Variants in SLC17A1 observed in about 807,000 individuals in gnomAD.
The protein encoded by SLC17A1 is solute carrier family 17 member 1, also known as sodium-dependent phosphate transport protein 1.
A neutral mutation model predicts 53.5 loss-of-function variants in SLC17A1; 51 were observed. The observed-to-expected ratio is 0.95, with a 90% confidence interval of 0.76 to 1.20. SLC17A1 has a LOEUF of 1.20. Among genes scored for constraint, SLC17A1 ranks in the 50% most tolerant of loss-of-function variants. SLC17A1 has a pLI of 0.00. For synonymous variants in SLC17A1, 179 were observed against 198.8 expected (o/e 0.90, Z 0.84); for missense variants, 538 against 568.2 (o/e 0.95, Z 0.54).
At chr6:25,818,748 A>G (rs550231607) in intron 6 of SLC17A1, among the ~76,000 whole-genome samples, 23 of 152,332 alleles carry the variant, frequency 1.5e-4, no homozygotes, top group South Asian at 4.1e-4. Flanking sequence ...TTAAGTATAA[A>G]AAGTAACATA....
chr6:25,778,980 G>A, downstream of SLC17A1: 4 of 1,581,814 alleles, frequency 2.5e-6, no homozygotes, highest in South Asian at 3.6e-5. Flanking sequence ...GGAGGACACA[G>A]AGCCAAAGCC....
At chr6:25,760,220 T>C in the SLC17A1 span, among the ~76,000 whole-genome samples, 3 of 152,240 alleles carry the variant, frequency 2.0e-5, no homozygotes, top group East Asian at 1.9e-4. Flanking sequence ...CCCATGTTTG[T>C]TCTTAATCTA....
chr6:25,783,383 A>G (rs1181490398), intron 12 of SLC17A1, among the ~76,000 whole-genome samples, 165 bp from the exon 13 acceptor site: 1 of 152,098 alleles, frequency 6.6e-6, no homozygotes, highest in Non-Finnish European at 1.5e-5. Context: ...GATCCTAAAC[A>G]TTTTTTTACA....
At chr6:25,808,875 A>G (rs1014995221) in intron 10 of SLC17A1, among the ~76,000 whole-genome samples, 8 of 152,096 alleles carry the variant, frequency 5.3e-5, no homozygotes, top group Non-Finnish European at 7.4e-5. Context: ...TAGAACTACC[A>G]TTAGATCCTG....
the SLC17A1 span, chr6:25,769,268 T>G: frequency 7.6e-7 from 1 of 1,307,982 alleles, no homozygotes; most frequent in Non-Finnish European, 1.1e-6. Flanking sequence ...GTGAGATTCA[T>G]TTAACCACTA....
chr6:25,777,184 G>T, the SLC17A1 span: 1 of 506,336 alleles, frequency 2.0e-6, no homozygotes, highest in Non-Finnish European at 3.4e-6. Flanking sequence ...CAGTGGCCAT[G>T]CTCAGAGTCA....
intron 8 of SLC17A1, among the ~76,000 whole-genome samples, chr6:25,812,186 A>G (rs1289052033): frequency 2.6e-5 from 4 of 152,214 alleles, no homozygotes; most frequent in Non-Finnish European, 4.4e-5. Context: ...AAATTGAGTC[A>G]GAGAGAGTTT....
chr6:25,761,237 C>T, the SLC17A1 span, among the ~76,000 whole-genome samples: 15 of 152,182 alleles, frequency 9.9e-5, no homozygotes, highest in Admixed American at 9.8e-4. Flanking sequence ...AGAGGGTTGT[C>T]ACTGTTATTG....
chr6:25,811,534 G>A lies in SLC17A1; in HGVS notation c.1042C>T (p.Pro348Ser). The change falls in exon 10 of 13, where the codon CCT becomes TCT. Residue 348 changes from proline to serine, a missense_variant. Transcript: ENST00000244527. ...KLFTAAGFLL[P>S]AIFGVCLPYL... ...GGCAGGCAGACACCAAAGATTGCAG[G>A]AAGGAGAAATCCTGGGGAGTGATTC... 1 of 1,613,912 alleles carries A rather than the reference G, an allele frequency of 6.2e-7. No homozygotes were observed. The highest frequency in any genetic ancestry group is 8.5e-7 in the Non-Finnish European group (1 of 1,179,882).
the SLC17A1 span, among the ~76,000 whole-genome samples, chr6:25,744,956 T>C: frequency 3.3e-5 from 5 of 152,166 alleles, no homozygotes; most frequent in African/African-American, 4.8e-5. Flanking sequence ...GCTCATGCCA[T>C]TGACATCTGA....
chr6:25,820,438 G>T (rs1173137953), intron 3 of SLC17A1, among the ~76,000 whole-genome samples: 1 of 152,150 alleles, frequency 6.6e-6, no homozygotes, highest in East Asian at 1.9e-4. Flanking sequence ...TTCTCAGACT[G>T]AACTGTGAAA....
At chr6:25,830,639 A>T in intron 1 of SLC17A1, 32 bp from the exon 2 acceptor site, 2 of 1,507,356 alleles carry the variant, frequency 1.3e-6, no homozygotes, top group Non-Finnish European at 1.8e-6. Flanking sequence ...ATGTCAGCAT[A>T]ATGTAGAGAG....
At chr6:25,747,096 T>C in the SLC17A1 span, among the ~76,000 whole-genome samples, 1 of 152,176 alleles carries the variant, frequency 6.6e-6, no homozygotes, top group African/African-American at 2.4e-5. Flanking sequence ...TCATGATGTT[T>C]AAGGCTGCAG....
the SLC17A1 span, among the ~76,000 whole-genome samples, chr6:25,747,105 A>G: frequency 6.0e-4 from 91 of 152,354 alleles, no homozygotes; most frequent in Non-Finnish European, 1.2e-3. Context: ...TTAAGGCTGC[A>G]GAAAGGATGC....
chr6:25,727,558 A>G, the SLC17A1 span, among the ~76,000 whole-genome samples: 4 of 145,378 alleles, frequency 2.8e-5, no homozygotes, highest in South Asian at 4.6e-4. Context: ...CACCCGGCTA[A>G]TTTTTGTATT....
At chr6:25,786,207 A>G (rs1763379547) in intron 12 of SLC17A1, among the ~76,000 whole-genome samples, 1 of 152,256 alleles carries the variant, frequency 6.6e-6, no homozygotes, top group East Asian at 1.9e-4. Flanking sequence ...TGTCAAGTGA[A>G]ACAGGTCAGT....
Position 25,819,048 on chromosome 6 carries a change from T to G in SLC17A1, c.616+20A>C. 1 of 1,526,526 alleles carries G rather than the reference T, an allele frequency of 6.6e-7. No individual in the cohort carries two copies. Among genetic ancestry groups the G allele is most frequent in the East Asian group, 2.3e-5 (1 of 44,060 alleles). The allele number at this position is 1,526,526 out of a possible 1,614,324, so 94.6% of individuals were successfully genotyped here. On this transcript the variant is annotated intron_variant, in intron 6 of 12. Coordinates refer to ENST00000244527, the MANE Select transcript of SLC17A1 (RefSeq NM_005074.5). ...TTTAGATTCTGAATAATAACTAGGA[T>G]TTTACAGAAAGAGACTCACCAAAAA...
At chr6:25,823,151 C>T (rs2762352) in intron 3 of SLC17A1, among the ~76,000 whole-genome samples, 8,379 of 152,142 alleles carry the variant, frequency 0.055, 634 homozygotes, top group African/African-American at 0.17. Context: ...CATTATACTG[C>T]TAAGTAGTAC....
the SLC17A1 span, among the ~76,000 whole-genome samples, chr6:25,739,171 G>A: frequency 6.6e-6 from 1 of 152,194 alleles, no homozygotes; most frequent in African/African-American, 2.4e-5. Flanking sequence ...GGAAGTCTAA[G>A]ATCCGGGTGC....
Sources: allele counts gnomAD v4.1 joint callset (sites outside exome capture counted in the v4.1 genomes callset), GRCh38; gene constraint gnomAD v4.1.1; transcripts MANE v1.5; gene names NCBI Gene and HGNC (gene_info 2026-07-23, HGNC 2026-07-21).